The following RNF152 variants were observed in gnomAD, a reference collection of about 807,000 sequenced individuals.
The protein encoded by RNF152 is ring finger protein 152.
A neutral mutation model predicts 12.7 loss-of-function variants in RNF152; 11 were observed. That is an observed-to-expected ratio of 0.86 (90% CI 0.54 to 1.43). The LOEUF is 1.43. Among genes scored for constraint, RNF152 ranks in the 40% most tolerant of loss-of-function variants. The pLI is 0.00. For missense variants in RNF152, 255 were observed against 274.8 expected (o/e 0.93, Z 0.51); for synonymous variants, 113 against 120.3 (o/e 0.94, Z 0.40).
In RNF152 at chr18:61,837,579, T is replaced by G. The variant is rs1469168232; in HGVS notation, c.-135-20981A>C. Among the ~76,000 whole-genome samples, 3 of 152,208 alleles carry G rather than the reference T, an allele frequency of 2.0e-5. No homozygotes were observed. The East Asian group carries it at 5.8e-4, about 29-fold the overall frequency. On this transcript the variant is annotated intron_variant, in intron 1 of 1. Coordinates refer to ENST00000312828, the MANE Select transcript of RNF152 (RefSeq NM_173557.3). ...TTTTTCAAAGTATTTTTTTAATTAC[T>G]ATGGACTTATCTGCATCCCCATATA...
chr18:61,817,044 T>C (rs907850748), intron 1 of RNF152, among the ~76,000 whole-genome samples: 2 of 152,232 alleles, frequency 1.3e-5, no homozygotes, highest in African/African-American at 4.8e-5. Flanking sequence ...CTTGTAAGTC[T>C]TAATTGCAAG....
rs1908976419 is a variant in RNF152, at chr18:61,814,618, T to C, written c.*1234A>G. The C allele has an allele frequency of 6.6e-6, 1 of 152,218 alleles. No individual in the cohort carries two copies. The highest frequency in any genetic ancestry group is 2.1e-4 in the South Asian group (1 of 4,828). The allele number at this position is 152,218 out of a possible 1,614,324, so 9.4% of individuals were successfully genotyped here. A position where few individuals can be genotyped will look rare whatever the true frequency, so the allele number is the denominator to read the frequency against. ...AGCTGTTAGTTTACCTTGCCACCTT[T>C]CTTGGTAAAAACGTGTTAAAATACA... On this transcript the variant is annotated 3_prime_UTR_variant, in exon 2 of 2. Transcript: ENST00000312828.
At chr18:61,886,210 A>G (rs1175903252) in intron 1 of RNF152, among the ~76,000 whole-genome samples, 2 of 151,956 alleles carry the variant, frequency 1.3e-5, no homozygotes, top group Non-Finnish European at 2.9e-5. Flanking sequence ...ATAAGTTTCT[A>G]TCTTCTTAAC....
intron 1 of RNF152, among the ~76,000 whole-genome samples, chr18:61,875,815 G>A (rs1038677431): frequency 6.6e-6 from 1 of 151,862 alleles, no homozygotes; most frequent in Non-Finnish European, 1.5e-5. Flanking sequence ...CCTCCCCAAG[G>A]GCTCAGGTCT....
intron 1 of RNF152, among the ~76,000 whole-genome samples, chr18:61,839,301 C>G (rs529013180): frequency 6.6e-6 from 1 of 152,254 alleles, no homozygotes; most frequent in East Asian, 1.9e-4. Context: ...TTGTCATAAT[C>G]CTTTAGTCTT....
intron 1 of RNF152, among the ~76,000 whole-genome samples, chr18:61,844,150 AAAGGAAGG>A (rs1279061704): frequency 2.1e-5 from 2 of 96,430 alleles, no homozygotes; most frequent in East Asian, 3.0e-4. Context: ...AATTAAGAGA[AAAGGAAGG>A]AAGGGAGGAA....
At chr18:61,870,877 C>T (rs1206462482) in intron 1 of RNF152, among the ~76,000 whole-genome samples, 1 of 152,062 alleles carries the variant, frequency 6.6e-6, no homozygotes, top group East Asian at 1.9e-4. Flanking sequence ...ACACACATTG[C>T]ACCCATGATT....
At position 61,816,542 on chromosome 18, in the gene RNF152, T is replaced by C; in HGVS notation, c.-79A>G. ...CTCAGAGGCCACCGCCCTGTGTCTT[T>C]GCAGTGCAGGTAATGGCAAGCTCAC... On this transcript the variant is annotated 5_prime_UTR_variant, in exon 2 of 2. Coordinates refer to ENST00000312828, the MANE Select transcript of RNF152 (RefSeq NM_173557.3). 1 of 1,503,628 alleles carries C rather than the reference T, an allele frequency of 6.7e-7. No homozygotes were observed. The highest frequency in any genetic ancestry group is 1.4e-5 in the African/African-American group (1 of 72,256). 93.1% of individuals were successfully genotyped at this position (1,503,628 alleles called of 1,614,324 possible).
At chr18:61,845,458 A>T (rs537494396) in intron 1 of RNF152, among the ~76,000 whole-genome samples, 3 of 152,354 alleles carry the variant, frequency 2.0e-5, no homozygotes, top group Non-Finnish European at 2.9e-5. Context: ...TGACTCAGCC[A>T]CCTGGGAGCT....
In RNF152 at chr18:61,812,283, A is replaced by G. The variant is rs981050923; in HGVS notation, c.*3569T>C. On this transcript the variant is annotated 3_prime_UTR_variant, in exon 2 of 2. Transcript: ENST00000312828. ...CTAAAAGTCAATGTGCCTGGTGGCT[A>G]CCGTACCAGACGGCACAGGTTTTCG... is the stretch of plus-strand genomic sequence containing the variant. 6.6e-6 allele frequency: 1 copy of G among 152,220 alleles called. No homozygotes were observed. The highest frequency in any genetic ancestry group is 2.4e-5 in the African/African-American group (1 of 41,456). The allele number at this position is 152,220 out of a possible 1,614,324, so 9.4% of individuals were successfully genotyped here.
chr18:61,855,127 G>A (rs936444153), intron 1 of RNF152, among the ~76,000 whole-genome samples: 1 of 152,162 alleles, frequency 6.6e-6, no homozygotes, highest in Non-Finnish European at 1.5e-5. Context: ...TATAACCAGT[G>A]GGAAGAAGGA....
At chr18:61,838,498 C>T (rs553031487) in intron 1 of RNF152, among the ~76,000 whole-genome samples, 138 of 152,268 alleles carry the variant, frequency 9.1e-4, no homozygotes, top group Middle Eastern at 3.4e-3. Flanking sequence ...TCTCAAAGAA[C>T]CAAGATTCAA....
intron 1 of RNF152, among the ~76,000 whole-genome samples, chr18:61,844,111 AAAG>A (rs1599287885): frequency 1.4e-5 from 2 of 142,496 alleles, no homozygotes; most frequent in East Asian, 2.1e-4. Flanking sequence ...AGAAAGAAAG[AAAG>A]AAAGAAAGAA....
At chr18:61,852,755 T>A (rs1911045600) in intron 1 of RNF152, among the ~76,000 whole-genome samples, 1 of 152,140 alleles carries the variant, frequency 6.6e-6, no homozygotes, top group African/African-American at 2.4e-5. Context: ...GCTCTCCAGG[T>A]GACTCACTGA....
rs886578498 is a variant in RNF152 at position 61,812,676 on chromosome 18, A to C, written c.*3176T>G. ...TCTTATAGTTTACTATTTATACAAC[A>C]CTCACTGTCCTTTACATACAAGTGG... On this transcript the variant is annotated 3_prime_UTR_variant, in exon 2 of 2. Transcript: ENST00000312828. 3 of 152,028 alleles carry C rather than the reference A, an allele frequency of 2.0e-5. No individual in the cohort carries two copies. The highest frequency in any genetic ancestry group is 2.4e-5 in the African/African-American group (1 of 41,394). The allele number at this position is 152,028 out of a possible 1,614,324, so 9.4% of individuals were successfully genotyped here. A position where few individuals can be genotyped will look rare whatever the true frequency, so the allele number is the denominator to read the frequency against.
chr18:61,879,416 T>C (rs777770586), intron 1 of RNF152, among the ~76,000 whole-genome samples: 5 of 152,174 alleles, frequency 3.3e-5, no homozygotes, highest in Admixed American at 6.5e-5. Flanking sequence ...TGAGCATGCA[T>C]GGATCTTGGT....
chr18:61,823,061 T>C (rs1162115050), intron 1 of RNF152, among the ~76,000 whole-genome samples: 2 of 152,244 alleles, frequency 1.3e-5, no homozygotes, highest in East Asian at 1.9e-4. Context: ...AGATGTGTCA[T>C]TGACTTTTTG....
intron 1 of RNF152, among the ~76,000 whole-genome samples, chr18:61,871,532 A>G (rs1911995786): frequency 6.6e-6 from 1 of 152,130 alleles, no homozygotes. Context: ...TAATAAACAG[A>G]AGGGTTACTG....
At chr18:61,864,452 G>A (rs1450388912) in intron 1 of RNF152, among the ~76,000 whole-genome samples, 1 of 152,196 alleles carries the variant, frequency 6.6e-6, no homozygotes, top group African/African-American at 2.4e-5. Flanking sequence ...GGTGCACAGA[G>A]CTTCCATGAC....
Sources: allele counts gnomAD v4.1 joint callset (sites outside exome capture counted in the v4.1 genomes callset), GRCh38; gene constraint gnomAD v4.1.1; transcripts MANE v1.5; gene names NCBI Gene and HGNC (gene_info 2026-07-23, HGNC 2026-07-21).